The following SMC4 variants were observed in gnomAD, a reference collection of about 807,000 sequenced individuals.
SMC4 encodes structural maintenance of chromosomes 4, also known as structural maintenance of chromosomes protein 4.
Under a neutral mutation model 145.6 loss-of-function variants are expected in SMC4, and 87 were observed. The ratio of observed to expected loss-of-function variants is 0.60; its 90% CI spans 0.50 to 0.71. The LOEUF (loss-of-function observed/expected upper bound fraction) is 0.71, where lower values mean the gene tolerates loss of function less well. Ranked by LOEUF, SMC4 falls within the 30% of genes least tolerant of loss-of-function variation. The pLI is 0.00. For synonymous variants in SMC4, 558 were observed against 500.7 expected (o/e 1.11, Z -1.53); for missense variants, 1,447 against 1,537.1 (o/e 0.94, Z 0.98).
At chr3:160,431,890 C>T (rs1718444314) in intron 21 of SMC4, 65 bp downstream of exon 21, 1 of 1,490,616 alleles carries the variant, frequency 6.7e-7, no homozygotes, top group Admixed American at 2.2e-5. Context: ...AAATTCTGAT[C>T]TTTAGTTTTG....
At position 160,404,458 on chromosome 3, in the gene SMC4, G is replaced by C. The variant is rs753147258; in HGVS notation, c.641G>C (p.Arg214Pro). 3 of 1,610,226 alleles carry C rather than the reference G, an allele frequency of 1.9e-6. No homozygotes were observed. The highest frequency in any genetic ancestry group is 2.5e-6 in the Non-Finnish European group (3 of 1,178,862). ...TTTAAGGATGTTGGAAATCTTCTTC[G>C]AAGCCATGGAATTGACTTGGACCAT... ...KTFKDVGNLL[R>P]SHGIDLDHNR... is the part of the protein sequence containing the mutation. The change falls in exon 5 of 24, where the codon CGA becomes CCA. Residue 214 changes from arginine (R) to proline (P), a missense_variant. By Grantham distance (103) the Arg-to-Pro change is moderately radical. Coordinates refer to ENST00000357388, the MANE Select transcript of SMC4 (RefSeq NM_001002800.3).
intron 9 of SMC4, 106 bp downstream of exon 9, chr3:160,414,623 A>C (rs1267724028): frequency 1.8e-6 from 2 of 1,111,636 alleles, no homozygotes; most frequent in Non-Finnish European, 2.6e-6. Flanking sequence ...TAGTATTCTA[A>C]ATGTTGTTTT....
intron 10 of SMC4, among the ~76,000 whole-genome samples, chr3:160,416,783 G>A (rs1475514428): frequency 6.6e-6 from 1 of 152,084 alleles, no homozygotes; most frequent in African/African-American, 2.4e-5. Context: ...TATAGCTCTT[G>A]TGTAATAGTT....
rs1717604924 is a variant in SMC4, at chr3:160,424,885, C to T, written c.2344C>T (p.Gln782Ter). 6.2e-7 allele frequency: 1 copy of T among 1,613,832 alleles called. No individual in the cohort carries two copies. Among genetic ancestry groups the T allele is most frequent in the Non-Finnish European group, 8.5e-7 (1 of 1,179,916 alleles). ...TTTGTAGGTAAACAAAATGGAATCA[C>T]AGTTGCAAAACGACTCTAAAAAAGC... The part of the protein sequence containing the change: ...SEEEVNKMES[Q>*]LQNDSKKAMQ... Residue 782 changes from glutamine (Q) to a stop codon, truncating the protein, a stop_gained, in exon 16 of 24, where the codon CAG becomes TAG. Transcript: ENST00000357388. LOFTEE classifies it high-confidence loss of function.
chr3:160,403,012 T>C (rs1436774018), intron 4 of SMC4, 145 bp downstream of exon 4: 1 of 599,578 alleles, frequency 1.7e-6, no homozygotes, highest in Admixed American at 3.9e-5. Flanking sequence ...TATTTTATTT[T>C]GGGGGAGTGG....
chr3:160,407,733 A>G (rs1284993578), intron 5 of SMC4, among the ~76,000 whole-genome samples: 1 of 152,158 alleles, frequency 6.6e-6, no homozygotes, highest in Non-Finnish European at 1.5e-5. Flanking sequence ...AGCCTATGCT[A>G]TAATATCAAA....
At chr3:160,423,350 T>A in intron 13 of SMC4, 75 bp from the exon 14 acceptor site, 1 of 882,562 alleles carries the variant, frequency 1.1e-6, no homozygotes, top group South Asian at 2.0e-5. Flanking sequence ...TTCCTATGGG[T>A]TTTTTTTTGT....
chr3:160,426,240 A>C, intron 17 of SMC4, 40 bp downstream of exon 17: 1 of 1,510,368 alleles, frequency 6.6e-7, no homozygotes. Context: ...GGAAAAAAAA[A>C]ACAGGTTTTT....
chr3:160,429,134 G>A (rs1241088224), intron 18 of SMC4, among the ~76,000 whole-genome samples, 192 bp downstream of exon 18: 1 of 152,136 alleles, frequency 6.6e-6, no homozygotes, highest in African/African-American at 2.4e-5. Flanking sequence ...AATTAAAAAG[G>A]CTGGTAAACA....
chr3:160,433,582 A>C, intron 23 of SMC4, 75 bp from the exon 24 acceptor site: 5 of 892,296 alleles, frequency 5.6e-6, no homozygotes, highest in Non-Finnish European at 6.8e-6. Flanking sequence ...ATTGTCCAAA[A>C]AATATTTGAG....
At chr3:160,432,855 G>A in intron 22 of SMC4, 171 bp from the exon 23 acceptor site, 1 of 589,616 alleles carries the variant, frequency 1.7e-6, no homozygotes, top group Non-Finnish European at 3.0e-6. Flanking sequence ...TCCTATGTAT[G>A]CATCCTCCAA....
rs765128491 is a variant in SMC4 at position 160,425,019 on chromosome 3, G to GGT, written c.2478+1_2478+2dup. On this transcript the variant is annotated frameshift_variant and splice_region_variant. Coordinates refer to ENST00000357388, the MANE Select transcript of SMC4 (RefSeq NM_001002800.3). LOFTEE classifies it high-confidence loss of function. Reference sequence around the variant, plus strand: ...TAGAAAAATTTACTGCAAGCATCCAGGTATGTGTGTGTGTGTGTGTGTGTG... The same window carrying GGT: ...TAGAAAAATTTACTGCAAGCATCCAGGTGTATGTGTGTGTGTGTGTGTGTGTG... 183 of 1,226,960 alleles carry GGT rather than the reference G, an allele frequency of 1.5e-4. No homozygotes were observed. In the East Asian group the frequency reaches 3.7e-3, roughly 25 times the overall value. The allele number at this position is 1,226,960 out of a possible 1,614,324, so 76.0% of individuals were successfully genotyped here. A position where few individuals can be genotyped will look rare whatever the true frequency, so the allele number is the denominator to read the frequency against.
At chr3:160,429,041 GTTAAT>G (rs1718091949) in intron 18 of SMC4, 99 bp downstream of exon 18, 1 of 1,030,746 alleles carries the variant, frequency 9.7e-7, no homozygotes, top group African/African-American at 1.7e-5. Flanking sequence ...TTCTCTTACT[GTTAAT>G]TTATTGAACC....
At chr3:160,418,035 G>A (rs759976086) in intron 11 of SMC4, 79 bp downstream of exon 11, 68 of 1,114,106 alleles carry the variant, frequency 6.1e-5, no homozygotes, top group Admixed American at 2.4e-4. Flanking sequence ...TAATCTCCGC[G>A]TCAGAGGTGA....
At chr3:160,412,543 CTG>C (rs752156162) in intron 7 of SMC4, 90 bp downstream of exon 7, 9 of 1,430,508 alleles carry the variant, frequency 6.3e-6, no homozygotes, top group Non-Finnish European at 7.4e-6. Flanking sequence ...AACATGAAGA[CTG>C]AAGTGAAAAA....
At position 160,420,877 on chromosome 3, in the gene SMC4, T is replaced by C. The variant is rs759400929; in HGVS notation, c.1995T>C (p.Val665=). ...VNFLKRQNIG[V]ATFIGLDKMA... is the part of the protein sequence containing the mutation. ...TCCTTAAAAGACAAAATATTGGAGT[T>C]GCAACCTTTATAGGTTTAGATAAGG... Residue 665 remains valine, a synonymous_variant, in exon 13 of 24, where the codon GTT becomes GTC. Coordinates refer to ENST00000357388, the MANE Select transcript of SMC4 (RefSeq NM_001002800.3). 3.5e-5 allele frequency: 56 copies of C among 1,612,688 alleles called. No homozygotes were observed. The highest frequency in any genetic ancestry group is 4.7e-5 in the Non-Finnish European group (55 of 1,179,570).
intron 9 of SMC4, 98 bp downstream of exon 9, chr3:160,414,615 G>A: frequency 8.7e-7 from 1 of 1,143,772 alleles, no homozygotes; most frequent in South Asian, 1.4e-5. Context: ...GAATGAATTA[G>A]TATTCTAAAT....
chr3:160,431,310 G>T, intron 20 of SMC4, 105 bp downstream of exon 20: 1 of 893,564 alleles, frequency 1.1e-6, no homozygotes, highest in South Asian at 1.9e-5. Context: ...TTTTGTTTGT[G>T]AGCTACATTG....
intron 5 of SMC4, 121 bp from the exon 6 acceptor site, chr3:160,411,799 A>G: frequency 1.4e-6 from 1 of 694,206 alleles, no homozygotes; most frequent in Non-Finnish European, 2.3e-6. Flanking sequence ...TGCACTACTA[A>G]CTGTACATTA....
Sources: allele counts gnomAD v4.1 joint callset (sites outside exome capture counted in the v4.1 genomes callset), GRCh38; gene constraint gnomAD v4.1.1; transcripts MANE v1.5; gene names NCBI Gene and HGNC (gene_info 2026-07-23, HGNC 2026-07-21).